SPHKAP: variants seen among roughly 807,000 people sequenced by gnomAD.
SPHKAP encodes the protein A-kinase anchor protein SPHKAP.
In SPHKAP, 67 loss-of-function variants were observed where a neutral mutation model predicts 137.5. The ratio of observed to expected loss-of-function variants is 0.49; its 90% confidence interval spans 0.40 to 0.60. The LOEUF (loss-of-function observed/expected upper bound fraction) is 0.60. Among genes scored for constraint, SPHKAP ranks in the 20% least tolerant of loss-of-function variants. The pLI is 0.00. For synonymous variants in SPHKAP, 813 were observed against 785.3 expected (o/e 1.04, Z -0.59); for missense variants, 2,097 against 2,069.3 (o/e 1.01, Z -0.26).
intron 3 of SPHKAP, among the ~76,000 whole-genome samples, chr2:228,080,909 G>A (rs1697347805): frequency 6.6e-6 from 1 of 152,120 alleles, no homozygotes; most frequent in Non-Finnish European, 1.5e-5. Context: ...TGTTGGGAAT[G>A]TACAGCTATT....
chr2:228,150,349 T>A (rs1699892069), intron 1 of SPHKAP, among the ~76,000 whole-genome samples: 1 of 152,176 alleles, frequency 6.6e-6, no homozygotes, highest in Non-Finnish European at 1.5e-5. Context: ...TGTATACTAT[T>A]GGAATTACCT....
At chr2:228,105,807 A>G (rs1698327499) in intron 3 of SPHKAP, among the ~76,000 whole-genome samples, 1 of 152,022 alleles carries the variant, frequency 6.6e-6, no homozygotes, top group Non-Finnish European at 1.5e-5. Flanking sequence ...GCCTTCCACC[A>G]TGATTGTGAG....
intron 11 of SPHKAP, among the ~76,000 whole-genome samples, chr2:227,986,667 C>T (rs985262970): frequency 1.3e-5 from 2 of 152,180 alleles, no homozygotes; most frequent in Non-Finnish European, 2.9e-5. Context: ...TAGAGGGAGG[C>T]ACTCCTCTTC....
intron 3 of SPHKAP, among the ~76,000 whole-genome samples, chr2:228,082,972 A>G (rs1039211578): frequency 1.3e-5 from 2 of 152,180 alleles, no homozygotes; most frequent in Non-Finnish European, 2.9e-5. Context: ...CCTCTGTGAT[A>G]TCATGGCTCT....
At chr2:228,149,028 G>A (rs749354439) in intron 1 of SPHKAP, among the ~76,000 whole-genome samples, 1 of 152,144 alleles carries the variant, frequency 6.6e-6, no homozygotes, top group Admixed American at 6.5e-5. Context: ...TCATATAATT[G>A]ATGCATTAAA....
intron 3 of SPHKAP, among the ~76,000 whole-genome samples, chr2:228,040,963 T>A (rs888450060): frequency 6.6e-6 from 1 of 152,214 alleles, no homozygotes. Flanking sequence ...TAAGTAATTA[T>A]GTGGACTAGA....
chr2:228,100,378 G>A (rs941334421), intron 3 of SPHKAP, among the ~76,000 whole-genome samples: 1 of 152,140 alleles, frequency 6.6e-6, no homozygotes, highest in Non-Finnish European at 1.5e-5. Flanking sequence ...ATGTTGAATG[G>A]GAGTGGTGAG....
At chr2:228,064,862 C>A (rs1559154695) in intron 3 of SPHKAP, among the ~76,000 whole-genome samples, 2 of 152,212 alleles carry the variant, frequency 1.3e-5, no homozygotes, top group African/African-American at 2.4e-5. Flanking sequence ...TTGAGCATCA[C>A]TGGATGGCCT....
chr2:228,086,768 T>C (rs1258643026), intron 3 of SPHKAP, among the ~76,000 whole-genome samples: 3 of 152,116 alleles, frequency 2.0e-5, no homozygotes, highest in African/African-American at 7.2e-5. Context: ...AGGAACTAAG[T>C]GTATTTGAAA....
intron 1 of SPHKAP, among the ~76,000 whole-genome samples, chr2:228,173,549 C>T (rs1169983805): frequency 6.6e-6 from 1 of 152,136 alleles, no homozygotes; most frequent in Non-Finnish European, 1.5e-5. Context: ...GAAAAGGACT[C>T]AACCCTCCAT....
rs941918794 is a variant in SPHKAP, at chr2:228,094,132, A to C, written c.246+14700T>G. On this transcript the variant is annotated intron_variant, in intron 3 of 11. Transcript: ENST00000392056. ...TAATAATGCAAATATCTTAAGCCTC[A>C]AATAAACATGATAATCTTATAATGA... Among the ~76,000 whole-genome samples the C allele has an allele frequency of 4.6e-5, 7 of 152,208 alleles. 1 individual carries two copies. The highest frequency in any genetic ancestry group is 2.6e-4 in the Admixed American group (4 of 15,282).
rs200704537 is a variant in SPHKAP at position 228,037,033 on chromosome 2, TAATA to T, written c.247-9494_247-9491del. ...ATGTACCCTAAAACTTAAAGTATAATAATAAATAAATAAATAGATAAAATATTTT... is the reference window on the plus strand; with the variant it reads ...ATGTACCCTAAAACTTAAAGTATAATAATAAATAAATAGATAAAATATTTT... On this transcript the variant is annotated intron_variant, in intron 3 of 11. Transcript: ENST00000392056. Among the ~76,000 whole-genome samples, 1,266 of 152,162 alleles carry T rather than the reference TAATA, an allele frequency of 8.3e-3. 13 individuals are homozygous for T. Among genetic ancestry groups the T allele is most frequent in the East Asian group, 0.044 (229 of 5,174 alleles).
At chr2:228,141,352 A>G (rs1699602056) in intron 1 of SPHKAP, among the ~76,000 whole-genome samples, 1 of 152,194 alleles carries the variant, frequency 6.6e-6, no homozygotes, top group Non-Finnish European at 1.5e-5. Context: ...TATTTCCTGT[A>G]AAGGAGTCAC....
chr2:228,076,403 A>G (rs1697185636), intron 3 of SPHKAP, among the ~76,000 whole-genome samples: 1 of 152,216 alleles, frequency 6.6e-6, no homozygotes, highest in African/African-American at 2.4e-5. Context: ...AAATGTGGGA[A>G]AGTTTGGAAC....
intron 1 of SPHKAP, among the ~76,000 whole-genome samples, chr2:228,169,592 G>A (rs1232330771): frequency 6.6e-6 from 1 of 152,000 alleles, no homozygotes; most frequent in Non-Finnish European, 1.5e-5. Context: ...ACTGCTCATT[G>A]ACAATGTACC....
At chr2:228,069,124 G>T (rs2106298444) in intron 3 of SPHKAP, among the ~76,000 whole-genome samples, 1 of 152,254 alleles carries the variant, frequency 6.6e-6, no homozygotes, top group African/African-American at 2.4e-5. Context: ...AAAATTAGCT[G>T]GGTGTGGTGG....
intron 3 of SPHKAP, among the ~76,000 whole-genome samples, chr2:228,065,468 G>A: frequency 6.6e-6 from 1 of 152,202 alleles, no homozygotes; most frequent in East Asian, 1.9e-4. Context: ...CTTAATTGCA[G>A]TGGGTTTAGT....
rs374594117 is a variant in SPHKAP, at chr2:228,019,293, T to C, written c.1561A>G (p.Met521Val). Residue 521 changes from methionine to valine, a missense_variant, in exon 7 of 12, where the codon ATG becomes GTG. Transcript: ENST00000392056. ...GGAAAGTTCGAGACCACTTGCTCCA[T>C]TTTGAGTCTTTCTGTGGCCTGTGGA... is the stretch of plus-strand genomic sequence containing the variant. ...SSPQATERLKMEQVVSNFPPG... is the reference protein window; with the variant it reads ...SSPQATERLKVEQVVSNFPPG... The C allele has an allele frequency of 1.2e-6, 2 of 1,613,980 alleles. No homozygotes were observed. The highest frequency in any genetic ancestry group is 2.7e-5 in the African/African-American group (2 of 74,938).
At chr2:228,002,730 G>T (rs1401454781) in intron 7 of SPHKAP, among the ~76,000 whole-genome samples, 3 of 152,114 alleles carry the variant, frequency 2.0e-5, no homozygotes, top group Admixed American at 2.0e-4. Context: ...AATCCATCTT[G>T]AATTAATTTT....
Sources: gnomAD v4.1 joint callset for allele counts (sites outside exome capture counted in the v4.1 genomes callset) on GRCh38, gnomAD v4.1.1 for gene constraint, MANE v1.5 for transcripts, NCBI Gene and HGNC (gene_info 2026-07-23, HGNC 2026-07-21) for gene names.